The following MEGF11 variants were observed in gnomAD, a reference collection of about 807,000 sequenced individuals.
MEGF11 encodes the protein multiple EGF like domains 11.
MEGF11 carries 126 observed loss-of-function variants against 146.6 expected under a neutral mutation model. That is an observed-to-expected ratio of 0.86 (90% CI 0.74 to 1.00). The LOEUF is 1.00. Ranked by LOEUF, MEGF11 falls within the 50% of genes least tolerant of loss-of-function variation. MEGF11 has a pLI of 0.00. For synonymous variants in MEGF11, 532 were observed against 583.4 expected, an observed-to-expected ratio of 0.91 and a Z score of 1.27; for missense variants, 1,509 against 1,521.2, an observed-to-expected ratio of 0.99 and a Z score of 0.13.
At chr15:65,915,826 C>T (rs917592022) in intron 18 of MEGF11, among the ~76,000 whole-genome samples, 13 of 152,114 alleles carry the variant, frequency 8.5e-5, no homozygotes, top group Non-Finnish European at 1.6e-4. Context: ...CACATTTAAG[C>T]AGTATCTTCC....
intron 8 of MEGF11, among the ~76,000 whole-genome samples, chr15:65,968,593 AAAC>A (rs1418200380): frequency 6.6e-6 from 1 of 152,046 alleles, no homozygotes; most frequent in Non-Finnish European, 1.5e-5. Flanking sequence ...CTCACAATTT[AAAC>A]AACTTATTTA....
At chr15:66,099,204 C>CATT (rs2086679002) in intron 4 of MEGF11, among the ~76,000 whole-genome samples, 1 of 105,878 alleles carries the variant, frequency 9.4e-6, no homozygotes. Context: ...CCTCCTTTTT[C>CATT]TTTTTTTTTT....
chr15:65,917,176 C>T (rs1405123894), intron 16 of MEGF11, among the ~76,000 whole-genome samples: 1 of 152,194 alleles, frequency 6.6e-6, no homozygotes, highest in Non-Finnish European at 1.5e-5. Flanking sequence ...TCTGCCCACT[C>T]TCCAAGTCTT....
chr15:65,913,603 C>T, intron 20 of MEGF11, 134 bp downstream of exon 20: 1 of 773,268 alleles, frequency 1.3e-6, no homozygotes, highest in Non-Finnish European at 2.2e-6. Context: ...CTCCTGCTCC[C>T]CATCCCCACT....
chr15:66,050,909 A>G (rs1341600508), intron 5 of MEGF11, among the ~76,000 whole-genome samples: 2 of 152,250 alleles, frequency 1.3e-5, no homozygotes, highest in African/African-American at 4.8e-5. Context: ...TTTAAAGCCT[A>G]TCTTGGGGCA....
In MEGF11 at chr15:65,904,934, C is replaced by T. The variant is rs538578345; in HGVS notation, c.3055+1151G>A. Among the ~76,000 whole-genome samples the T allele has an allele frequency of 7.3e-4, 111 of 152,276 alleles. 1 individual carries two copies. The highest frequency in any genetic ancestry group is 2.6e-3 in the African/African-American group (109 of 41,552). On this transcript the variant is annotated intron_variant, in intron 24 of 25. Transcript: ENST00000395614. ...CTGAGACAGAGTCTTGTTCTGTTGC[C>T]CAGGCTGGAGTGCAGTGGCACGATC...
At chr15:66,107,061 C>CCG (rs1555471311) in intron 4 of MEGF11, among the ~76,000 whole-genome samples, 19 of 88,496 alleles carry the variant, frequency 2.1e-4, no homozygotes, top group Admixed American at 4.0e-4. Flanking sequence ...CCTACCCCCC[C>CCG]ACCAGGTATA....
rs1459097439 is a variant in MEGF11, at chr15:65,915,341, A to G, written c.2473+129T>C. ...ACTTGGAGCCTCTGCAGCCCACCCT[A>G]TTCCTGCTGTCCTCACAAATGTGAA... On this transcript the variant is annotated intron_variant, in intron 19 of 25. Coordinates refer to ENST00000395614, the MANE Select transcript of MEGF11 (RefSeq NM_001385028.1). 6.3e-6 allele frequency: 8 copies of G among 1,278,684 alleles called. No homozygotes were observed. In the African/African-American group the frequency reaches 1.0e-4, roughly 17 times the overall value. The allele number at this position is 1,278,684 out of a possible 1,614,324, so 79.2% of individuals were successfully genotyped here. A position where few individuals can be genotyped will look rare whatever the true frequency, so the allele number is the denominator to read the frequency against.
Position 66,084,694 on chromosome 15 carries a change from T to A in MEGF11, c.394+9708A>T, listed in dbSNP as rs138268347. 1.6e-3 allele frequency among the ~76,000 whole-genome samples: 244 copies of A among 152,174 alleles called. 2 individuals carry two copies. In the East Asian group the frequency reaches 0.039, roughly 25 times the overall value. On this transcript the variant is annotated intron_variant, in intron 5 of 25. Transcript: ENST00000395614. ...CCATTCCTGCCTGGCACCACAGGGATCCATCAGGAGGGTGGCCAGAGGAGC... is the reference window on the plus strand; with the variant it reads ...CCATTCCTGCCTGGCACCACAGGGAACCATCAGGAGGGTGGCCAGAGGAGC...
At position 66,125,917 on chromosome 15, in the gene MEGF11, G is replaced by A. The variant is rs116113962; in HGVS notation, c.99-1917C>T. 1.8e-3 allele frequency among the ~76,000 whole-genome samples: 274 copies of A among 152,274 alleles called. 1 individual carries two copies. The highest frequency in any genetic ancestry group is 6.5e-3 in the African/African-American group (269 of 41,556). On this transcript the variant is annotated intron_variant, in intron 2 of 25. Transcript: ENST00000395614. ...GCTGGAGGGGGCAGTCACAGGGCAG[G>A]GACCAGGCTTTGCAAGATGCCCTGG...
chr15:66,000,507 G>C (rs1217915320), intron 5 of MEGF11, among the ~76,000 whole-genome samples: 3 of 151,952 alleles, frequency 2.0e-5, no homozygotes, highest in Non-Finnish European at 2.9e-5. Context: ...AGTCCAGCCT[G>C]GGTGACAGAG....
chr15:66,075,683 C>T (rs1011813002), intron 5 of MEGF11, among the ~76,000 whole-genome samples: 3 of 152,154 alleles, frequency 2.0e-5, no homozygotes, highest in Non-Finnish European at 2.9e-5. Flanking sequence ...ACTGATGGCT[C>T]GGAGAAAAGG....
At chr15:66,184,248 A>T (rs2090633440) in intron 1 of MEGF11, among the ~76,000 whole-genome samples, 1 of 152,152 alleles carries the variant, frequency 6.6e-6, no homozygotes, top group Non-Finnish European at 1.5e-5. Flanking sequence ...ACAAAACTGA[A>T]AACAAAAAAA....
chr15:66,157,639 AG>A (rs1470833139), intron 1 of MEGF11, among the ~76,000 whole-genome samples: 1 of 152,246 alleles, frequency 6.6e-6, no homozygotes, highest in Non-Finnish European at 1.5e-5. Context: ...GCATTTAAGC[AG>A]GACTCCCAGC....
chr15:66,104,075 G>T (rs1038262869), intron 4 of MEGF11, among the ~76,000 whole-genome samples: 1 of 152,238 alleles, frequency 6.6e-6, no homozygotes, highest in Non-Finnish European at 1.5e-5. Flanking sequence ...GATAAAATTA[G>T]ATAACATGTG....
intron 25 of MEGF11, 141 bp downstream of exon 25, chr15:65,898,587 A>G (rs1478049828): frequency 6.9e-7 from 1 of 1,453,670 alleles, no homozygotes; most frequent in African/African-American, 1.4e-5. Context: ...CCTAGGAAAG[A>G]CAGTTCACCT....
intron 1 of MEGF11, among the ~76,000 whole-genome samples, chr15:66,144,327 A>AGAGCAAGGGCATCAACAGGAAAGCC (rs1020247525): frequency 3.9e-5 from 6 of 152,116 alleles, no homozygotes; most frequent in African/African-American, 1.4e-4. Context: ...GAGCTCCCTG[A>AGAGCAAGGGCATCAACAGGAAAGCC]GAGCAAGGGC....
intron 1 of MEGF11, among the ~76,000 whole-genome samples, chr15:66,133,350 T>G (rs2088738989): frequency 6.6e-6 from 1 of 152,186 alleles, no homozygotes; most frequent in Non-Finnish European, 1.5e-5. Context: ...AAAGGCGCTT[T>G]CAGGTCTGGG....
intron 1 of MEGF11, among the ~76,000 whole-genome samples, chr15:66,216,063 C>G (rs1427195131): frequency 1.3e-5 from 2 of 152,160 alleles, no homozygotes; most frequent in Non-Finnish European, 2.9e-5. Context: ...CATAGCAGAA[C>G]AGGCGCTCAG....
Sources: gnomAD v4.1 joint callset for allele counts (sites outside exome capture counted in the v4.1 genomes callset) on GRCh38, gnomAD v4.1.1 for gene constraint, MANE v1.5 for transcripts, NCBI Gene and HGNC (gene_info 2026-07-23, HGNC 2026-07-21) for gene names.